KANSL1: variants seen among roughly 807,000 people sequenced by gnomAD.
KANSL1 encodes MLL1/MLL complex subunit KANSL1.
In KANSL1, 22 loss-of-function variants were observed where a neutral mutation model predicts 103.6. That is an observed-to-expected ratio of 0.21 (90% CI 0.15 to 0.30). The LOEUF (loss-of-function observed/expected upper bound fraction) is 0.30. KANSL1 is among the 10% of genes least tolerant of loss of function. The pLI, the probability that KANSL1 is intolerant of heterozygous loss-of-function variation, is 1.00. For synonymous variants in KANSL1, 600 were observed against 527.6 expected (o/e 1.14, Z -1.88); for missense variants, 1,337 against 1,399.8 (o/e 0.96, Z 0.72).
chr17:46,219,222 T>G (rs899506013), intron 1 of KANSL1, among the ~76,000 whole-genome samples: 1 of 146,346 alleles, frequency 6.8e-6, no homozygotes, highest in African/African-American at 2.6e-5. Context: ...CAAGATCACC[T>G]GGACAACAAA....
chr17:46,031,604 T>C lies in KANSL1; in HGVS notation c.3190A>G (p.Thr1064Ala), dbSNP rs982701618. 3.7e-6 allele frequency: 6 copies of C among 1,614,078 alleles called. No individual in the cohort carries two copies. Among genetic ancestry groups the C allele is most frequent in the Non-Finnish European group, 4.2e-6 (5 of 1,179,984 alleles). Residue 1064 changes from threonine (T) to alanine (A), a missense_variant, in exon 15 of 15, where the codon ACT becomes GCT. Physicochemically the swap from Thr to Ala is moderately conservative, Grantham distance 58 (BLOSUM62 0). Transcript: ENST00000432791. ...LDAQERAARC[T>A]RRTSGSKTGR... Reference sequence around the variant, plus strand: ...GTCTTGCTGCCTGAGGTGCGTCGAGTGCAGCGGGCTGCTCGCTCCTGTGCA... The same window carrying C: ...GTCTTGCTGCCTGAGGTGCGTCGAGCGCAGCGGGCTGCTCGCTCCTGTGCA...
chr17:46,138,046 C>T (rs975648197), intron 2 of KANSL1, among the ~76,000 whole-genome samples: 13 of 147,136 alleles, frequency 8.8e-5, no homozygotes, highest in Non-Finnish European at 3.1e-5. Context: ...ATCTGCCCTA[C>T]ACCATCAAGT....
rs72628321 is a variant in KANSL1, at chr17:46,073,350, C to T, written c.1534-5683G>A. On this transcript the variant is annotated intron_variant, in intron 4 of 14. Transcript: ENST00000432791. Reference sequence around the variant, plus strand: ...ATCATTTTACAAACAGAAACTAACACACAAATAATGTGTTACTTGTTAATT... The same window carrying T: ...ATCATTTTACAAACAGAAACTAACATACAAATAATGTGTTACTTGTTAATT... Among the ~76,000 whole-genome samples, 1,519 of 152,222 alleles carry T rather than the reference C, an allele frequency of 1.0e-2. 84 individuals carry two copies. The East Asian group carries it at 0.15, about 15-fold the overall frequency.
intron 6 of KANSL1, 60 bp from the exon 7 acceptor site, chr17:46,050,764 T>A: frequency 6.7e-7 from 1 of 1,489,634 alleles, no homozygotes; most frequent in Non-Finnish European, 9.2e-7. Flanking sequence ...CAGCTACCCA[T>A]TTGTTATCCC....
chr17:46,152,657 C>T (rs2045185233), intron 2 of KANSL1, among the ~76,000 whole-genome samples: 1 of 151,656 alleles, frequency 6.6e-6, no homozygotes, highest in Non-Finnish European at 1.5e-5. Flanking sequence ...CAGACTGACA[C>T]AGGTGGTAAA....
chr17:46,191,547 T>A (rs980977650), intron 1 of KANSL1, among the ~76,000 whole-genome samples: 6 of 152,258 alleles, frequency 3.9e-5, no homozygotes, highest in African/African-American at 1.4e-4. Context: ...CTAGTTTCCA[T>A]ACTTGAAAGG....
chr17:46,210,616 G>C (rs549599107), intron 1 of KANSL1, among the ~76,000 whole-genome samples: 1 of 152,000 alleles, frequency 6.6e-6, no homozygotes, highest in East Asian at 1.9e-4. Flanking sequence ...AAAAACAGAA[G>C]ATTGAAAATT....
chr17:46,060,578 G>T (rs970769092), intron 6 of KANSL1, among the ~76,000 whole-genome samples: 1 of 152,138 alleles, frequency 6.6e-6, no homozygotes, highest in Admixed American at 6.5e-5. Context: ...CTTTCCAAAT[G>T]TCTAACTAGT....
chr17:46,033,357 G>A (rs2077063416), intron 12 of KANSL1, 46 bp downstream of exon 12: 1 of 1,564,622 alleles, frequency 6.4e-7, no homozygotes, highest in East Asian at 2.2e-5. Flanking sequence ...ATGTATGTGT[G>A]CATGTGTACA....
chr17:46,148,717 G>T (rs1250116103), intron 2 of KANSL1, among the ~76,000 whole-genome samples: 1 of 151,578 alleles, frequency 6.6e-6, no homozygotes, highest in African/African-American at 2.4e-5. Context: ...CTCCTGAACA[G>T]CTGGGTACAA....
chr17:46,130,635 A>G (rs1051709272), intron 2 of KANSL1, among the ~76,000 whole-genome samples: 1 of 152,212 alleles, frequency 6.6e-6, no homozygotes, highest in Non-Finnish European at 1.5e-5. Context: ...ACCGAACACT[A>G]CAATAGCAAC....
At chr17:46,168,722 G>A (rs1339186667) in intron 2 of KANSL1, among the ~76,000 whole-genome samples, 4 of 152,174 alleles carry the variant, frequency 2.6e-5, no homozygotes, top group African/African-American at 4.8e-5. Flanking sequence ...ATGATCTAAC[G>A]CATGAAAATT....
intron 2 of KANSL1, among the ~76,000 whole-genome samples, chr17:46,134,648 T>G (rs2147301301): frequency 6.6e-6 from 1 of 152,122 alleles, no homozygotes; most frequent in East Asian, 1.9e-4. Flanking sequence ...AAGACCAGCC[T>G]GGCCAACATG....
intron 4 of KANSL1, among the ~76,000 whole-genome samples, chr17:46,073,311 G>A (rs2078643358): frequency 6.6e-6 from 1 of 152,072 alleles, no homozygotes; most frequent in Non-Finnish European, 1.5e-5. Flanking sequence ...GCAAGGAAAG[G>A]GTAAAGGAGC....
chr17:46,200,038 TACACACACAC>T lies in KANSL1; in HGVS notation c.-90+23623_-90+23632del, dbSNP rs143234563. 5.4e-5 allele frequency among the ~76,000 whole-genome samples: 8 copies of T among 147,480 alleles called. No homozygotes were observed. In the South Asian group the frequency reaches 6.3e-4, roughly 12 times the overall value. ...TTTTAATAAAGTTCCTCAATGAGTT[TACACACACAC>T]ACACACACACACACACACCCTGATT... On this transcript the variant is annotated intron_variant, in intron 1 of 14. Transcript: ENST00000572904.
intron 1 of KANSL1, among the ~76,000 whole-genome samples, chr17:46,219,339 T>C (rs1187448384): frequency 6.6e-6 from 1 of 152,110 alleles, no homozygotes; most frequent in Non-Finnish European, 1.5e-5. Flanking sequence ...TTACTAAAAC[T>C]TTAAGAACAA....
At chr17:46,092,703 T>TTG (rs2079446609) in intron 3 of KANSL1, among the ~76,000 whole-genome samples, 2 of 47,432 alleles carry the variant, frequency 4.2e-5, no homozygotes, top group African/African-American at 1.9e-4. Context: ...TGTTGGGTTG[T>TTG]TTTTTTTTTT....
chr17:46,136,930 T>C (rs2044175055), intron 2 of KANSL1, among the ~76,000 whole-genome samples: 1 of 152,250 alleles, frequency 6.6e-6, no homozygotes, highest in African/African-American at 2.4e-5. Context: ...ACTTTCAGGG[T>C]TGGGAACTGA....
In KANSL1 at chr17:46,204,968, GA is replaced by G. The variant is rs534360379; in HGVS notation, c.-90+18702del. ...AATCTAATAAAAAATACCTATGGGG[GA>G]AAAAAAGAATACCTACAAAAACCCC... On this transcript the variant is annotated intron_variant, in intron 1 of 14. Transcript: ENST00000572904. Among the ~76,000 whole-genome samples, 38 of 152,092 alleles carry G rather than the reference GA, an allele frequency of 2.5e-4. No individual in the cohort carries two copies. The South Asian group carries it at 7.5e-3, about 30-fold the overall frequency.
Sources: allele counts gnomAD v4.1 joint callset (sites outside exome capture counted in the v4.1 genomes callset), GRCh38; gene constraint gnomAD v4.1.1; transcripts MANE v1.5; gene names NCBI Gene and HGNC (gene_info 2026-07-23, HGNC 2026-07-21).